The following COPG2 variants were observed in gnomAD, a reference collection of about 807,000 sequenced individuals.
COPG2 encodes coatomer subunit gamma-2.
In COPG2, 37 loss-of-function variants were observed where a neutral mutation model predicts 46.3. That is an observed-to-expected ratio of 0.80 (90% CI 0.61 to 1.05). The LOEUF is 1.05. Ranked by LOEUF, COPG2 falls within the 50% of genes least tolerant of loss-of-function variation. COPG2 has a pLI of 0.00. For missense variants in COPG2, 427 were observed against 387.8 expected (o/e 1.10, Z -0.85); for synonymous variants, 159 against 129.7 (o/e 1.23, Z -1.53).
At chr7:130,636,131 A>C (rs9656393) in intron 5 of COPG2, among the ~76,000 whole-genome samples, 1 of 151,966 alleles carries the variant, frequency 6.6e-6, no homozygotes. Context: ...AATTATGTGG[A>C]CAATTTTAGA....
At chr7:130,533,120 C>G (rs1029897420) in intron 20 of COPG2, among the ~76,000 whole-genome samples, 1 of 151,704 alleles carries the variant, frequency 6.6e-6, no homozygotes, top group Non-Finnish European at 1.5e-5. Context: ...GTTATGGAGC[C>G]GAGCAGCTTA....
At chr7:130,513,306 AAAAT>A (rs1274799904) in intron 20 of COPG2, among the ~76,000 whole-genome samples, 13 of 49,018 alleles carry the variant, frequency 2.7e-4, no homozygotes, top group African/African-American at 1.2e-3. Flanking sequence ...AAAAAAAAAA[AAAAT>A]ATATATATAT....
intron 1 of COPG2, 37 bp from the exon 2 acceptor site, chr7:130,667,571 G>A (rs782679915): frequency 6.4e-7 from 1 of 1,551,332 alleles, no homozygotes; most frequent in Non-Finnish European, 8.9e-7. Context: ...GTCCTGAACA[G>A]CTGTTCTACA....
chr7:130,594,693 A>G (rs1363641688), intron 9 of COPG2, among the ~76,000 whole-genome samples: 6 of 152,228 alleles, frequency 3.9e-5, no homozygotes, highest in Non-Finnish European at 4.4e-5. Context: ...TTAAATGGGC[A>G]AAGATTTTAA....
At position 130,633,227 on chromosome 7, in the gene COPG2, C is replaced by A. The variant is rs368953465; in HGVS notation, c.324-16162G>T. Among the ~76,000 whole-genome samples the A allele has an allele frequency of 9.9e-5, 15 of 152,232 alleles. No individual in the cohort carries two copies. The East Asian group carries it at 2.7e-3, about 27-fold the overall frequency. On this transcript the variant is annotated intron_variant, in intron 5 of 23. Coordinates refer to ENST00000425248, the MANE Select transcript of COPG2 (RefSeq NM_012133.6). ...CATACATGTGCATGTGTCTTTATAG[C>A]AGAATGATTTATAATCCTTTGGATA... is the stretch of plus-strand genomic sequence containing the variant.
At position 130,578,482 on chromosome 7, in the gene COPG2, A is replaced by G. The variant is rs1335503870; in HGVS notation, c.738-14089T>C. 5.9e-5 allele frequency among the ~76,000 whole-genome samples: 9 copies of G among 152,090 alleles called. No individual in the cohort carries two copies. In the East Asian group the frequency reaches 1.7e-3, roughly 29 times the overall value. On this transcript the variant is annotated intron_variant, in intron 9 of 23. Coordinates refer to ENST00000425248, the MANE Select transcript of COPG2 (RefSeq NM_012133.6). ...GAATGCAGTTCCTCACCAGCAACGG[A>G]ACAAAGCTGGATGGAGAATGACTTT...
At chr7:130,543,053 C>T (rs2116374058) in intron 20 of COPG2, among the ~76,000 whole-genome samples, 1 of 152,178 alleles carries the variant, frequency 6.6e-6, no homozygotes, top group South Asian at 2.1e-4. Flanking sequence ...AAAGAAGAAA[C>T]CTTATAGAGG....
intron 5 of COPG2, among the ~76,000 whole-genome samples, chr7:130,641,353 G>C (rs1795462671): frequency 6.6e-6 from 1 of 152,286 alleles, no homozygotes; most frequent in South Asian, 2.1e-4. Context: ...CAAAGAGCAT[G>C]ATGAGTTTGG....
chr7:130,603,438 A>T (rs1451377720), intron 9 of COPG2, among the ~76,000 whole-genome samples: 1 of 151,842 alleles, frequency 6.6e-6, no homozygotes, highest in Non-Finnish European at 1.5e-5. Flanking sequence ...TTTTGTGGCA[A>T]TTTGGGCATG....
intron 9 of COPG2, among the ~76,000 whole-genome samples, chr7:130,596,131 G>A (rs1794523360): frequency 6.6e-6 from 1 of 152,180 alleles, no homozygotes; most frequent in Non-Finnish European, 1.5e-5. Flanking sequence ...AAAATCCCAT[G>A]TCCCAGTGGC....
intron 9 of COPG2, among the ~76,000 whole-genome samples, chr7:130,593,879 A>G: frequency 6.6e-6 from 1 of 152,346 alleles, no homozygotes; most frequent in African/African-American, 2.4e-5. Context: ...GGGTAAGAAA[A>G]TGTTTCTTAT....
intron 20 of COPG2, among the ~76,000 whole-genome samples, chr7:130,545,850 T>C (rs1446535946): frequency 2.0e-5 from 3 of 152,190 alleles, no homozygotes; most frequent in Non-Finnish European, 2.9e-5. Context: ...TTTCCTCTCT[T>C]GGTGGAAATG....
At chr7:130,621,249 G>A (rs530157322) in intron 5 of COPG2, among the ~76,000 whole-genome samples, 3 of 152,294 alleles carry the variant, frequency 2.0e-5, no homozygotes, top group East Asian at 3.9e-4. Context: ...ACATCAAACC[G>A]GTGAAACTGA....
chr7:130,545,153 T>C (rs1470394558), intron 20 of COPG2, among the ~76,000 whole-genome samples: 1 of 146,636 alleles, frequency 6.8e-6, no homozygotes, highest in Non-Finnish European at 1.5e-5. Context: ...TGGCACCATG[T>C]GAAGCAACTT....
intron 20 of COPG2, among the ~76,000 whole-genome samples, chr7:130,540,516 G>T (rs1055411713): frequency 2.0e-5 from 3 of 152,084 alleles, no homozygotes; most frequent in African/African-American, 7.2e-5. Flanking sequence ...AGGACAAGAC[G>T]TATCGGGTGG....
intron 7 of COPG2, among the ~76,000 whole-genome samples, chr7:130,612,760 TA>T (rs1217950745): frequency 2.0e-5 from 3 of 151,804 alleles, no homozygotes; most frequent in African/African-American, 7.3e-5. Context: ...AATGTATTAC[TA>T]AAAAAAAGAC....
intron 9 of COPG2, among the ~76,000 whole-genome samples, chr7:130,567,744 T>A (rs1158820619): frequency 4.6e-5 from 7 of 152,162 alleles, no homozygotes; most frequent in Admixed American, 4.6e-4. Flanking sequence ...ATAAAGTTCT[T>A]TTCAGATAAA....
chr7:130,598,747 A>T lies in COPG2; in HGVS notation c.737+12206T>A, dbSNP rs191469755. Among the ~76,000 whole-genome samples, 212 of 152,264 alleles carry T rather than the reference A, an allele frequency of 1.4e-3. 3 individuals carry two copies. Among genetic ancestry groups the T allele is most frequent in the Non-Finnish European group, 7.4e-4 (50 of 68,024 alleles). On this transcript the variant is annotated intron_variant, in intron 9 of 23. Coordinates refer to ENST00000425248, the MANE Select transcript of COPG2 (RefSeq NM_012133.6). ...TATACTAACAGTTCAGTATTAGCTG[A>T]ACTACAAGTTCAAAAGATTTACCAA... is the stretch of plus-strand genomic sequence containing the variant.
chr7:130,629,186 G>GC (rs1176207603), intron 5 of COPG2, among the ~76,000 whole-genome samples: 2 of 151,598 alleles, frequency 1.3e-5, no homozygotes, highest in Admixed American at 1.3e-4. Flanking sequence ...TCCTTTTTTG[G>GC]GGGGGGTACC....
Sources: gnomAD v4.1 joint callset for allele counts (sites outside exome capture counted in the v4.1 genomes callset) on GRCh38, gnomAD v4.1.1 for gene constraint, MANE v1.5 for transcripts, NCBI Gene and HGNC (gene_info 2026-07-23, HGNC 2026-07-21) for gene names.